Variants in MUSK observed in about 807,000 individuals in gnomAD.
MUSK encodes the protein muscle, skeletal receptor tyrosine-protein kinase.
MUSK carries 55 observed loss-of-function variants against 88.7 expected under a neutral mutation model. The observed-to-expected ratio is 0.62, with a 90% CI of 0.50 to 0.78. The LOEUF is 0.78. MUSK is among the 30% of genes least tolerant of loss of function. MUSK has a pLI of 0.00. For missense variants in MUSK, 1,015 were observed against 1,074.3 expected, an observed-to-expected ratio of 0.94 and a Z score of 0.77; for synonymous variants, 387 against 391.9, an observed-to-expected ratio of 0.99 and a Z score of 0.15.
intron 5 of MUSK, among the ~76,000 whole-genome samples, chr9:110,724,177 T>C (rs933027381): frequency 6.6e-6 from 1 of 152,052 alleles, no homozygotes; most frequent in Non-Finnish European, 1.5e-5. Flanking sequence ...TTTATACATA[T>C]ACTATTATTT....
chr9:110,803,783 C>T lies in MUSK; in HGVS notation c.*2795C>T, dbSNP rs1315285297. Among the ~76,000 whole-genome samples, 2 of 152,256 alleles carry T rather than the reference C, an allele frequency of 1.3e-5. No homozygotes were observed. The highest frequency in any genetic ancestry group is 6.5e-5 in the Admixed American group (1 of 15,296). ...GTGCTCGATCTAATGTTCTGAATCA[C>T]AGGAGTATAGATGCATTATTCACCA... On this transcript the variant is annotated 3_prime_UTR_variant, in exon 15 of 15. Transcript: ENST00000374448.
At position 110,800,593 on chromosome 9, in the gene MUSK, G is replaced by T; in HGVS notation, c.2215G>T (p.Val739Leu). The part of the protein sequence containing the change: ...RNCLVGENMV[V>L]KIADFGLSRN... ...CTGCCTGGTGGGCGAGAACATGGTG[G>T]TGAAAATTGCCGACTTTGGCCTCTC... Residue 739 changes from valine (V) to leucine (L), a missense_variant, in exon 15 of 15, where the codon GTG becomes TTG. Coordinates refer to ENST00000374448, the MANE Select transcript of MUSK (RefSeq NM_005592.4). The T allele has an allele frequency of 6.2e-7, 1 of 1,602,050 alleles. No individual in the cohort carries two copies. The highest frequency in any genetic ancestry group is 8.5e-7 in the Non-Finnish European group (1 of 1,173,610).
intron 5 of MUSK, among the ~76,000 whole-genome samples, chr9:110,711,581 A>T (rs2076671739): frequency 6.6e-6 from 1 of 152,206 alleles, no homozygotes; most frequent in African/African-American, 2.4e-5. Flanking sequence ...CCTTGGACTT[A>T]CATCCTTAGC....
At chr9:110,765,553 T>A (rs1478529435) in intron 8 of MUSK, among the ~76,000 whole-genome samples, 3 of 149,630 alleles carry the variant, frequency 2.0e-5, no homozygotes, top group African/African-American at 7.3e-5. Flanking sequence ...CCCTTCAGAA[T>A]AAAGACCCCA....
chr9:110,803,427 G>GT lies in MUSK; in HGVS notation c.*2439_*2440insT, dbSNP rs1335648305. ...ACAGTCACAGAGAGATTGTGCAACTGGCCCGAGTGCACACAGCAACAGAGC... is the reference window on the plus strand; with the variant it reads ...ACAGTCACAGAGAGATTGTGCAACTGTGCCCGAGTGCACACAGCAACAGAGC... On this transcript the variant is annotated 3_prime_UTR_variant, in exon 15 of 15. Coordinates refer to ENST00000374448, the MANE Select transcript of MUSK (RefSeq NM_005592.4). Among the ~76,000 whole-genome samples, 1 of 152,170 alleles carries GT rather than the reference G, an allele frequency of 6.6e-6. No homozygotes were observed. Among genetic ancestry groups the GT allele is most frequent in the African/African-American group, 2.4e-5 (1 of 41,440 alleles).
chr9:110,697,846 T>G (rs1369742793), intron 5 of MUSK, among the ~76,000 whole-genome samples: 1 of 151,850 alleles, frequency 6.6e-6, no homozygotes, highest in African/African-American at 2.4e-5. Flanking sequence ...AGAACAACTT[T>G]AAAAAGATGT....
chr9:110,680,806 G>C (rs2076098388), intron 1 of MUSK, among the ~76,000 whole-genome samples: 1 of 147,638 alleles, frequency 6.8e-6, no homozygotes, highest in African/African-American at 2.5e-5. Context: ...TTGCTTCTAG[G>C]CTGCTCCCCT....
intron 11 of MUSK, among the ~76,000 whole-genome samples, chr9:110,781,433 T>G (rs531743555): frequency 1.3e-5 from 2 of 152,028 alleles, no homozygotes; most frequent in Non-Finnish European, 2.9e-5. Context: ...CCCACCACCA[T>G]GCCCAGCTAA....
intron 2 of MUSK, among the ~76,000 whole-genome samples, chr9:110,683,054 T>C (rs1457997143): frequency 6.6e-6 from 1 of 151,398 alleles, no homozygotes; most frequent in African/African-American, 2.4e-5. Flanking sequence ...TGTTGTCTTA[T>C]CAAATAGTAG....
At chr9:110,674,297 T>C (rs573602643) in intron 1 of MUSK, among the ~76,000 whole-genome samples, 2 of 152,290 alleles carry the variant, frequency 1.3e-5, no homozygotes, top group African/African-American at 4.8e-5. Context: ...TAAAATGTAG[T>C]TAAATCATTG....
chr9:110,684,389 C>T (rs78216391), intron 2 of MUSK, among the ~76,000 whole-genome samples: 6,028 of 152,074 alleles, frequency 0.04, 420 homozygotes, highest in African/African-American at 0.14. Context: ...GTTACTCTAG[C>T]TCTGTAGTAT....
At chr9:110,683,542 T>G (rs1014831458) in intron 2 of MUSK, among the ~76,000 whole-genome samples, 3 of 152,154 alleles carry the variant, frequency 2.0e-5, no homozygotes, top group African/African-American at 7.2e-5. Flanking sequence ...TTTAGTTTTT[T>G]GAGGAAACTT....
At chr9:110,670,192 G>T (rs1373796676) in intron 1 of MUSK, among the ~76,000 whole-genome samples, 1 of 152,004 alleles carries the variant, frequency 6.6e-6, no homozygotes, top group Non-Finnish European at 1.5e-5. Flanking sequence ...AATTTCTAAT[G>T]AATACTTTAA....
At chr9:110,706,936 G>A (rs967236164) in intron 5 of MUSK, among the ~76,000 whole-genome samples, 2 of 152,042 alleles carry the variant, frequency 1.3e-5, no homozygotes, top group Admixed American at 6.6e-5. Context: ...CCTGGGAGGT[G>A]GAGGTTGCAG....
rs1199276929 is a variant in MUSK at position 110,804,434 on chromosome 9, A to C, written c.*3446A>C. ...CATAGATAATTTTCTGTTTTTTAGA[A>C]ATCTTTTGTCTCTTTGGTTATAGAA... is the stretch of plus-strand genomic sequence containing the variant. On this transcript the variant is annotated 3_prime_UTR_variant, in exon 15 of 15. Transcript: ENST00000374448. Among the ~76,000 whole-genome samples the C allele has an allele frequency of 6.6e-6, 1 of 152,030 alleles. No homozygotes were observed. The highest frequency in any genetic ancestry group is 1.5e-5 in the Non-Finnish European group (1 of 67,958).
rs771836171 is a variant in MUSK, at chr9:110,787,885, C to G, written c.1927+47C>G. ...TATGTATTTCATCAGAAAACAGAGG[C>G]TTTCCAAGTTTTTCTCCCCTTGTTC... On this transcript the variant is annotated intron_variant, in intron 14 of 14. Coordinates refer to ENST00000374448, the MANE Select transcript of MUSK (RefSeq NM_005592.4). 1.2e-5 allele frequency: 19 copies of G among 1,569,466 alleles called. No individual in the cohort carries two copies. The African/African-American group carries it at 1.4e-4, about 11-fold the overall frequency.
At chr9:110,761,223 A>G (rs1301997742) in intron 7 of MUSK, among the ~76,000 whole-genome samples, 1 of 152,218 alleles carries the variant, frequency 6.6e-6, no homozygotes, top group East Asian at 1.9e-4. Flanking sequence ...TGGGAATCAC[A>G]TACCACCAGA....
intron 8 of MUSK, among the ~76,000 whole-genome samples, chr9:110,763,998 G>A (rs894926646): frequency 1.3e-5 from 2 of 152,122 alleles, no homozygotes; most frequent in African/African-American, 2.4e-5. Flanking sequence ...AAGGAGATCC[G>A]AGATCAAATA....
intron 6 of MUSK, among the ~76,000 whole-genome samples, chr9:110,743,681 C>A (rs2077132259): frequency 1.3e-5 from 2 of 152,114 alleles, no homozygotes; most frequent in Admixed American, 1.3e-4. Flanking sequence ...GGAGGCATAT[C>A]TATATTTAGA....
Sources: gnomAD v4.1 joint callset for allele counts (sites outside exome capture counted in the v4.1 genomes callset) on GRCh38, gnomAD v4.1.1 for gene constraint, MANE v1.5 for transcripts, NCBI Gene and HGNC (gene_info 2026-07-23, HGNC 2026-07-21) for gene names.